ADGRL3: variants seen among roughly 807,000 people sequenced by gnomAD.
ADGRL3 encodes calcium-independent alpha-latrotoxin receptor 3.
ADGRL3 carries 62 observed loss-of-function variants against 153.5 expected under a neutral mutation model. The ratio of observed to expected loss-of-function variants is 0.40; its 90% confidence interval spans 0.33 to 0.50. The LOEUF (loss-of-function observed/expected upper bound fraction) is 0.50. Among genes scored for constraint, ADGRL3 ranks in the 20% least tolerant of loss-of-function variants. ADGRL3 has a pLI of 0.47. For missense variants in ADGRL3, 1,641 were observed against 1,859.4 expected, an observed-to-expected ratio of 0.88 and a Z score of 2.16; for synonymous variants, 710 against 672.5, an observed-to-expected ratio of 1.06 and a Z score of -0.86.
chr4:61,295,978 C>A (rs1399039335), intron 1 of ADGRL3, among the ~76,000 whole-genome samples: 1 of 151,930 alleles, frequency 6.6e-6, no homozygotes, highest in African/African-American at 2.4e-5. Context: ...AACAAAAACA[C>A]AAGCAAGAGC....
intron 1 of ADGRL3, among the ~76,000 whole-genome samples, chr4:61,259,524 C>T (rs1274301164): frequency 1.3e-5 from 2 of 152,008 alleles, no homozygotes; most frequent in Non-Finnish European, 2.9e-5. Flanking sequence ...AGGCTTCTTC[C>T]TAATTCTAAG....
rs544989283 is a variant in ADGRL3, at chr4:61,630,648, C to T, written c.473+43208C>T. ...AACTTTCTCATAGTCATCATGTTTA[C>T]ATGTCTGTAATTTAAGAAATCAGCT... On this transcript the variant is annotated intron_variant, in intron 5 of 26. Coordinates refer to ENST00000683033, the MANE Select transcript of ADGRL3 (RefSeq NM_001387552.1). 1.5e-4 allele frequency among the ~76,000 whole-genome samples: 23 copies of T among 152,310 alleles called. No individual in the cohort carries two copies. In the South Asian group the frequency reaches 4.8e-3, roughly 32 times the overall value.
At chr4:61,736,882 T>C (rs2096524822) in intron 8 of ADGRL3, among the ~76,000 whole-genome samples, 1 of 152,192 alleles carries the variant, frequency 6.6e-6, no homozygotes, top group South Asian at 2.1e-4. Flanking sequence ...GCATGAATGC[T>C]CAAATTGAAA....
chr4:61,401,065 CT>C lies in ADGRL3; in HGVS notation c.-174+17887del, dbSNP rs528836191. On this transcript the variant is annotated intron_variant, in intron 2 of 26. Coordinates refer to ENST00000683033, the MANE Select transcript of ADGRL3 (RefSeq NM_001387552.1). ...TGACAATTTATGTGGAAGGAAGATT[CT>C]TTTTTTTTTTAAAAAAAAGATTTTT... Among the ~76,000 whole-genome samples the C allele has an allele frequency of 2.2e-3, 305 of 141,802 alleles. 2 individuals carry two copies. The highest frequency in any genetic ancestry group is 7.1e-3 in the African/African-American group (279 of 39,330). 93.0% of individuals were successfully genotyped at this position (141,802 alleles called of 152,430 possible).
At chr4:61,888,923 T>A (rs1412086749) in intron 9 of ADGRL3, among the ~76,000 whole-genome samples, 1 of 152,206 alleles carries the variant, frequency 6.6e-6, no homozygotes, top group African/African-American at 2.4e-5. Context: ...CCACTTTGTC[T>A]AATGGACAAT....
chr4:61,697,722 ACAT>A (rs1263840452), intron 6 of ADGRL3, among the ~76,000 whole-genome samples: 1 of 152,220 alleles, frequency 6.6e-6, no homozygotes, highest in Non-Finnish European at 1.5e-5. Context: ...AATGTAACAA[ACAT>A]CAGCCCAGTA....
chr4:61,953,278 T>A (rs1325268149), intron 17 of ADGRL3, among the ~76,000 whole-genome samples: 1 of 152,132 alleles, frequency 6.6e-6, no homozygotes, highest in Non-Finnish European at 1.5e-5. Context: ...TTGGAAAATT[T>A]TGTTTGAGGA....
chr4:61,554,100 A>ATT (rs34976733), intron 4 of ADGRL3, among the ~76,000 whole-genome samples: 33,417 of 143,044 alleles, frequency 0.23, 4,053 homozygotes, highest in Admixed American at 0.27. Context: ...GGCTTGGGCC[A>ATT]TTTTTTTTTT....
intron 21 of ADGRL3, among the ~76,000 whole-genome samples, chr4:62,015,920 T>C (rs1410899926): frequency 6.6e-6 from 1 of 151,892 alleles, no homozygotes; most frequent in African/African-American, 2.4e-5. Flanking sequence ...TTATAATATA[T>C]AAACTATCAA....
intron 5 of ADGRL3, among the ~76,000 whole-genome samples, chr4:61,666,573 A>G (rs899423322): frequency 6.6e-6 from 1 of 151,824 alleles, no homozygotes; most frequent in African/African-American, 2.4e-5. Context: ...AGAGTAGAAT[A>G]GTAAGTGGTC....
Position 61,705,932 on chromosome 4 carries a change from A to T in ADGRL3, c.584-24690A>T, listed in dbSNP as rs976792735. On this transcript the variant is annotated intron_variant, in intron 6 of 26. Coordinates refer to ENST00000683033, the MANE Select transcript of ADGRL3 (RefSeq NM_001387552.1). ...CTTTGATATTCCATTTATAAAGCAC[A>T]GGCAGAGCTCAGAGTAGATTTAATG... 3.3e-5 allele frequency among the ~76,000 whole-genome samples: 5 copies of T among 152,208 alleles called. No homozygotes were observed. In the East Asian group the frequency reaches 9.6e-4, roughly 29 times the overall value.
chr4:61,420,546 A>G (rs1355397406), intron 2 of ADGRL3: 1 of 151,290 alleles, frequency 6.6e-6, no homozygotes, highest in Non-Finnish European at 1.5e-5. Context: ...AGCTGGGACC[A>G]CAGGCGCCCG....
chr4:61,956,902 G>T (rs2098969218), intron 17 of ADGRL3, among the ~76,000 whole-genome samples: 1 of 152,060 alleles, frequency 6.6e-6, no homozygotes, highest in African/African-American at 2.4e-5. Context: ...CTATATGTTT[G>T]TTTTGGTACC....
intron 8 of ADGRL3, among the ~76,000 whole-genome samples, chr4:61,773,143 A>G (rs924805060): frequency 6.6e-6 from 1 of 152,192 alleles, no homozygotes; most frequent in Admixed American, 6.5e-5. Context: ...AAGAAAGAGC[A>G]CAGTTTACAT....
chr4:61,977,419 C>G (rs984312930), intron 17 of ADGRL3, among the ~76,000 whole-genome samples: 6 of 152,262 alleles, frequency 3.9e-5, no homozygotes, highest in Non-Finnish European at 5.9e-5. Flanking sequence ...CCTCCACTCT[C>G]AAACACTAAA....
intron 5 of ADGRL3, among the ~76,000 whole-genome samples, chr4:61,589,302 C>G (rs2098959600): frequency 6.6e-6 from 1 of 152,074 alleles, no homozygotes; most frequent in Non-Finnish European, 1.5e-5. Flanking sequence ...TAGATTTAGA[C>G]TTGTCCAAAG....
At chr4:61,337,892 A>C (rs1198100315) in intron 1 of ADGRL3, among the ~76,000 whole-genome samples, 4 of 152,042 alleles carry the variant, frequency 2.6e-5, no homozygotes, top group African/African-American at 9.7e-5. Context: ...CTCTCTCTCT[A>C]AATAAAGGAA....
At chr4:61,667,361 GT>G in intron 5 of ADGRL3, among the ~76,000 whole-genome samples, 1 of 152,152 alleles carries the variant, frequency 6.6e-6, no homozygotes, top group African/African-American at 2.4e-5. Context: ...AAAGAAGTTA[GT>G]ATTTTTTTAA....
At position 61,235,474 on chromosome 4, in the gene ADGRL3, G is replaced by A. The variant is rs188951130; in HGVS notation, c.-240+33709G>A. Among the ~76,000 whole-genome samples, 8 of 152,266 alleles carry A rather than the reference G, an allele frequency of 5.3e-5. No individual in the cohort carries two copies. The East Asian group carries it at 1.5e-3, about 29-fold the overall frequency. ...AGTGTATTAGAGCTTGTAGACTAAA[G>A]TGTTGCTTACAGAAGTGAGAAAGAA... On this transcript the variant is annotated intron_variant, in intron 1 of 26. Transcript: ENST00000683033.
Sources: gnomAD v4.1 joint callset for allele counts (sites outside exome capture counted in the v4.1 genomes callset) on GRCh38, gnomAD v4.1.1 for gene constraint, MANE v1.5 for transcripts, NCBI Gene and HGNC (gene_info 2026-07-23, HGNC 2026-07-21) for gene names.